The following NEK11 variants were observed in gnomAD, a reference collection of about 807,000 sequenced individuals.
NEK11 encodes the protein NIMA related kinase 11, also known as serine/threonine-protein kinase Nek11.
In NEK11, 72 loss-of-function variants were observed where a neutral mutation model predicts 80.7. That is an observed-to-expected ratio of 0.89 (90% confidence interval 0.74 to 1.08). The LOEUF (loss-of-function observed/expected upper bound fraction) is 1.08. Among genes scored for constraint, NEK11 ranks in the 50% least tolerant of loss-of-function variants. The pLI is 0.00. For synonymous variants in NEK11, 251 were observed against 260.7 expected (o/e 0.96, Z 0.36); for missense variants, 764 against 763.6 (o/e 1.00, Z -0.01).
At chr3:131,094,732 T>C (rs1578172900) in intron 4 of NEK11, among the ~76,000 whole-genome samples, 2 of 152,212 alleles carry the variant, frequency 1.3e-5, no homozygotes, top group Non-Finnish European at 2.9e-5. Context: ...AATTGAGTGA[T>C]GTCCATCTGT....
intron 3 of NEK11, among the ~76,000 whole-genome samples, chr3:131,080,037 G>T (rs375975494): frequency 3.7e-5 from 3 of 80,236 alleles, no homozygotes; most frequent in South Asian, 1.2e-3. Flanking sequence ...GTGTGTGTGT[G>T]TTTGTGTGTG....
In NEK11 at chr3:131,171,610, A is replaced by G. The variant is rs114312873; in HGVS notation, c.1399+723A>G. Among the ~76,000 whole-genome samples, 525 of 152,304 alleles carry G rather than the reference A, an allele frequency of 3.4e-3. 1 individual carries two copies. Among genetic ancestry groups the G allele is most frequent in the African/African-American group, 0.012 (499 of 41,556 alleles). ...TCTCTAGGTCTCAGTTTTCTTATCT[A>G]TGAAATAAGAATAATAATGCCTTCT... On this transcript the variant is annotated intron_variant, in intron 14 of 17. Transcript: ENST00000383366.
At chr3:131,285,667 C>T (rs1212005884) in intron 17 of NEK11, among the ~76,000 whole-genome samples, 3 of 152,224 alleles carry the variant, frequency 2.0e-5, no homozygotes, top group African/African-American at 7.2e-5. Context: ...CATGCGGGCA[C>T]CTGAGTCATT....
At chr3:131,307,938 T>G (rs1394473313) in intron 17 of NEK11, among the ~76,000 whole-genome samples, 2 of 152,236 alleles carry the variant, frequency 1.3e-5, no homozygotes, top group African/African-American at 4.8e-5. Flanking sequence ...ATTTATAATC[T>G]GTTGGTTTTA....
At position 131,306,140 on chromosome 3, in the gene NEK11, A is replaced by G. The variant is rs191353487; in HGVS notation, c.1718+32566A>G. Among the ~76,000 whole-genome samples the G allele has an allele frequency of 3.9e-5, 6 of 152,200 alleles. No individual in the cohort carries two copies. The East Asian group carries it at 1.2e-3, about 29-fold the overall frequency. ...GCCCATCTTTTTGTACATGCTATCT[A>G]CTTTATCCATTAGAGTTAGCATAAT... On this transcript the variant is annotated intron_variant, in intron 17 of 17. Coordinates refer to ENST00000383366, the MANE Select transcript of NEK11 (RefSeq NM_024800.5).
chr3:131,121,511 G>T (rs541379255), intron 5 of NEK11, among the ~76,000 whole-genome samples: 107 of 152,328 alleles, frequency 7.0e-4, no homozygotes, highest in African/African-American at 2.4e-3. Context: ...TCTCTTTAAA[G>T]CTATCAGACA....
At chr3:131,228,452 G>A in intron 14 of NEK11, 76 bp from the exon 15 acceptor site, 5 of 1,308,014 alleles carry the variant, frequency 3.8e-6, no homozygotes, top group East Asian at 2.4e-5. Flanking sequence ...ATACATCCCT[G>A]TGAAAAGATA....
chr3:131,211,788 G>A (rs372379578), intron 14 of NEK11, among the ~76,000 whole-genome samples: 2 of 152,052 alleles, frequency 1.3e-5, no homozygotes, highest in South Asian at 2.1e-4. Flanking sequence ...CATGCGTCAC[G>A]TAGTTCTTGT....
chr3:131,150,590 A>C (rs1030598300), intron 7 of NEK11, among the ~76,000 whole-genome samples: 1 of 151,902 alleles, frequency 6.6e-6, no homozygotes, highest in Non-Finnish European at 1.5e-5. Context: ...TCCTATATTT[A>C]AAGTTTGTTT....
intron 14 of NEK11, chr3:131,175,219 A>G: frequency 1.5e-6 from 1 of 669,016 alleles, no homozygotes. Context: ...AGTTATCTGA[A>G]AGAAAACCTT....
At chr3:131,281,741 T>C (rs2096399266) in intron 17 of NEK11, among the ~76,000 whole-genome samples, 1 of 152,228 alleles carries the variant, frequency 6.6e-6, no homozygotes, top group African/African-American at 2.4e-5. Flanking sequence ...CCCCACAAAG[T>C]ACGTTATCAA....
intron 6 of NEK11, 55 bp from the exon 7 acceptor site, chr3:131,133,775 A>G (rs374329826): frequency 4.1e-6 from 6 of 1,475,082 alleles, no homozygotes; most frequent in Middle Eastern, 1.8e-4. Flanking sequence ...GTTAATTTCC[A>G]GGGCTAATTT....
At chr3:131,155,008 G>C in intron 9 of NEK11, 28 bp from the exon 10 acceptor site, 1 of 1,353,024 alleles carries the variant, frequency 7.4e-7, no homozygotes, top group Non-Finnish European at 1.1e-6. Context: ...GAGCCTTTAA[G>C]ATATGTCAGG....
chr3:131,094,122 A>C (rs763758815), intron 4 of NEK11, among the ~76,000 whole-genome samples: 1 of 150,736 alleles, frequency 6.6e-6, no homozygotes, highest in Non-Finnish European at 1.5e-5. Flanking sequence ...TGAGGCCCTG[A>C]AATTTTGCAG....
chr3:131,177,831 C>T (rs1320559650), intron 14 of NEK11, among the ~76,000 whole-genome samples: 1 of 152,198 alleles, frequency 6.6e-6, no homozygotes, highest in East Asian at 1.9e-4. Flanking sequence ...TCAAATATCA[C>T]TCACGTGAAT....
intron 16 of NEK11, among the ~76,000 whole-genome samples, chr3:131,267,009 A>T (rs2096071536): frequency 6.6e-6 from 1 of 152,076 alleles, no homozygotes; most frequent in South Asian, 2.1e-4. Flanking sequence ...CTAAATTGCA[A>T]CACCTGCTTT....
In NEK11 at chr3:131,133,932, G is replaced by C; in HGVS notation, c.623G>C (p.Gly208Ala). 1.9e-6 allele frequency: 3 copies of C among 1,611,074 alleles called. No homozygotes were observed. The highest frequency in any genetic ancestry group is 2.5e-6 in the Non-Finnish European group (3 of 1,178,290). Residue 208 changes from glycine to alanine, a missense_variant, in exon 7 of 18, where the codon GGC (glycine) becomes GCC (alanine). Gly to Ala is a moderately conservative substitution (Grantham distance 60). Coordinates refer to ENST00000383366, the MANE Select transcript of NEK11 (RefSeq NM_024800.5). The part of the protein sequence containing the change: ...YMSPEALKHQ[G>A]YDTKSDIWSL... ...AGTCCTGAGGCTCTGAAACACCAAG[G>C]CTATGACACAAAGTCGGACATCTGG...
At chr3:131,252,041 C>G (rs1340016437) in intron 16 of NEK11, among the ~76,000 whole-genome samples, 2 of 152,052 alleles carry the variant, frequency 1.3e-5, no homozygotes, top group African/African-American at 4.8e-5. Context: ...TAACATTGCC[C>G]AGGTAGCTTG....
At chr3:131,145,059 A>C (rs1054691765) in intron 7 of NEK11, among the ~76,000 whole-genome samples, 1 of 152,098 alleles carries the variant, frequency 6.6e-6, no homozygotes, top group Non-Finnish European at 1.5e-5. Context: ...GCTGGAGTGC[A>C]GTTGTACAAT....
Sources: allele counts gnomAD v4.1 joint callset (sites outside exome capture counted in the v4.1 genomes callset), GRCh38; gene constraint gnomAD v4.1.1; transcripts MANE v1.5; gene names NCBI Gene and HGNC (gene_info 2026-07-23, HGNC 2026-07-21).